The following CEP192 variants were observed in gnomAD, a reference collection of about 807,000 sequenced individuals.
CEP192 encodes the protein centrosomal protein 192, also known as centrosomal protein of 192 kDa.
A neutral mutation model predicts 271.8 loss-of-function variants in CEP192; 151 were observed. The observed-to-expected ratio is 0.56, with a 90% CI of 0.49 to 0.64. The LOEUF (loss-of-function observed/expected upper bound fraction) is 0.64. CEP192 is among the 30% of genes least tolerant of loss of function. CEP192 has a pLI of 0.00. For missense variants in CEP192, 2,910 were observed against 3,020.5 expected, an observed-to-expected ratio of 0.96 and a Z score of 0.86; for synonymous variants, 995 against 1,076.5, an observed-to-expected ratio of 0.92 and a Z score of 1.48.
rs79341139 is a variant in CEP192 at position 13,087,520 on chromosome 18, C to T, written c.5878-11C>T. 1.7e-4 allele frequency: 212 copies of T among 1,254,220 alleles called. No homozygotes were observed. The highest frequency in any genetic ancestry group is 4.9e-4 in the South Asian group (35 of 72,118). 77.7% of individuals were successfully genotyped at this position (1,254,220 alleles called of 1,614,324 possible). ...TAATATTTACTCCTGATTTTTTTTT[C>T]TTGGCATCAGAATGTTACTTTAATA... On this transcript the variant is annotated splice_polypyrimidine_tract_variant and intron_variant, in intron 31 of 44. Coordinates refer to ENST00000506447, the MANE Select transcript of CEP192 (RefSeq NM_032142.4).
chr18:13,123,094 A>T (rs2040748418), intron 44 of CEP192, among the ~76,000 whole-genome samples: 1 of 152,182 alleles, frequency 6.6e-6, no homozygotes, highest in African/African-American at 2.4e-5. Flanking sequence ...TTTATTAATA[A>T]TGAGTTCTTC....
In CEP192 at chr18:13,095,479, T is replaced by C. The variant is rs1262507475; in HGVS notation, c.6255-24T>C. On this transcript the variant is annotated intron_variant, in intron 34 of 44. Transcript: ENST00000506447. ...CAGTCTCTTTCTTCATGTCTAACTT[T>C]TTCATTTTTAAATAATTTTTTAGCG... The C allele has an allele frequency of 3.2e-6, 5 of 1,576,246 alleles. No homozygotes were observed. The African/African-American group carries it at 6.9e-5, about 22-fold the overall frequency.
chr18:13,013,076 A>C (rs2034453177), intron 5 of CEP192, 51 bp downstream of exon 5: 1 of 898,304 alleles, frequency 1.1e-6, no homozygotes, highest in Admixed American at 2.7e-5. Context: ...TAGGGCAGTA[A>C]AATTTCATAT....
intron 3 of CEP192, among the ~76,000 whole-genome samples, chr18:13,006,175 A>G (rs2033968745): frequency 6.6e-6 from 1 of 150,720 alleles, no homozygotes; most frequent in Non-Finnish European, 1.5e-5. Context: ...TTTCTGTTTT[A>G]GTGCAAAAAG....
Position 13,029,935 on chromosome 18 carries a change from C to T in CEP192, c.1323C>T (p.Ala441=). ...ISDSGINFTD[A]IWSPTCERRT... ...ACAGTGGAATTAATTTCACTGATGC[C>T]ATTTGGTCACCAACTTGTGAAAGGC... Residue 441 remains alanine, a synonymous_variant, in exon 10 of 45, where the codon GCC becomes GCT. Coordinates refer to ENST00000506447, the MANE Select transcript of CEP192 (RefSeq NM_032142.4). The T allele has an allele frequency of 6.4e-7, 1 of 1,551,628 alleles. No homozygotes were observed. Among genetic ancestry groups the T allele is most frequent in the South Asian group, 1.2e-5 (1 of 84,054 alleles).
At chr18:13,061,544 G>A (rs1362875605) in intron 21 of CEP192, among the ~76,000 whole-genome samples, 1 of 152,182 alleles carries the variant, frequency 6.6e-6, no homozygotes, top group East Asian at 1.9e-4. Flanking sequence ...GATTGGAAAT[G>A]TTCTTTATAA....
Position 13,049,658 on chromosome 18 carries a change from G to T in CEP192, c.2867G>T (p.Arg956Leu). 1 of 1,610,662 alleles carries T rather than the reference G, an allele frequency of 6.2e-7. No homozygotes were observed. ...SEKHVTFENH[R>L]IVSPKNSDLK... is the part of the protein sequence containing the mutation. ...AAGCATGTGACTTTTGAAAACCATC[G>T]CATAGTCTCACCTAAAAATAGTGGT... Residue 956 changes from arginine to leucine, a missense_variant, in exon 16 of 45, where the codon CGC (arginine) becomes CTC (leucine). Physicochemically the swap from Arg to Leu is moderately radical, Grantham distance 102. Transcript: ENST00000506447.
chr18:13,031,006 A>G (rs950918140), intron 11 of CEP192, among the ~76,000 whole-genome samples: 9 of 152,180 alleles, frequency 5.9e-5, no homozygotes, highest in African/African-American at 1.9e-4. Context: ...ATGGAAGAAA[A>G]GTAACCAAAA....
At chr18:13,030,406 G>A (rs752512996) in intron 10 of CEP192, 59 bp from the exon 11 acceptor site, 1 of 1,401,360 alleles carries the variant, frequency 7.1e-7, no homozygotes, top group South Asian at 1.5e-5. Context: ...AATTGAGAAT[G>A]TTTTGTCATT....
intron 7 of CEP192, 66 bp downstream of exon 7, chr18:13,017,402 A>G (rs1057045368): frequency 2.4e-6 from 3 of 1,232,812 alleles, no homozygotes; most frequent in Non-Finnish European, 1.1e-6. Context: ...GTCTCCTTGG[A>G]TGTTCACATG....
intron 3 of CEP192, among the ~76,000 whole-genome samples, chr18:13,003,520 CA>C (rs1192315998): frequency 1.3e-5 from 2 of 150,546 alleles, no homozygotes; most frequent in Non-Finnish European, 2.9e-5. Flanking sequence ...ATGTGGACGC[CA>C]GGGGGAAGCA....
chr18:13,118,526 C>T (rs552605886), intron 44 of CEP192, among the ~76,000 whole-genome samples: 3 of 152,318 alleles, frequency 2.0e-5, no homozygotes, highest in African/African-American at 7.2e-5. Context: ...TCTTCCTTCT[C>T]CTATGGACTA....
chr18:12,995,654 A>G (rs910562074), intron 1 of CEP192, among the ~76,000 whole-genome samples: 1 of 152,210 alleles, frequency 6.6e-6, no homozygotes, highest in Non-Finnish European at 1.5e-5. Flanking sequence ...AGAGATAACA[A>G]GTGAGTTACA....
chr18:13,068,628 T>C (rs1164391972), intron 24 of CEP192, among the ~76,000 whole-genome samples: 1 of 152,126 alleles, frequency 6.6e-6, no homozygotes, highest in Non-Finnish European at 1.5e-5. Flanking sequence ...ACTGAAAACC[T>C]TTTAGAATAT....
Position 13,069,167 on chromosome 18 carries a change from T to A in CEP192, c.5041T>A (p.Tyr1681Asn). Reference sequence around the variant, plus strand: ...GAAAAATGCTGGGAACATTGAAGTTTATTTGGATATCAAGGTATGCACTTC... The same window carrying A: ...GAAAAATGCTGGGAACATTGAAGTTAATTTGGATATCAAGGTATGCACTTC... ...PLKNAGNIEV[Y>N]LDIKVPEQGS... The change falls in exon 26 of 45, where the codon TAT (tyrosine) becomes AAT (asparagine). Residue 1681 changes from tyrosine to asparagine, a missense_variant. By Grantham distance (143) the Tyr-to-Asn change is moderately radical. Transcript: ENST00000506447. 1 of 1,613,926 alleles carries A rather than the reference T, an allele frequency of 6.2e-7. No homozygotes were observed. The highest frequency in any genetic ancestry group is 8.5e-7 in the Non-Finnish European group (1 of 1,179,808).
intron 30 of CEP192, among the ~76,000 whole-genome samples, chr18:13,079,708 G>A (rs555863436): frequency 1.3e-5 from 2 of 152,122 alleles, no homozygotes; most frequent in Non-Finnish European, 2.9e-5. Flanking sequence ...TGAAGTCCTT[G>A]CCCATACCTA....
At chr18:13,117,199 A>G (rs963331102) in intron 43 of CEP192, among the ~76,000 whole-genome samples, 1 of 152,176 alleles carries the variant, frequency 6.6e-6, no homozygotes, top group African/African-American at 2.4e-5. Context: ...CACTTCAGCC[A>G]GGGTGACAGA....
In CEP192 at chr18:13,124,997, T is replaced by C; in HGVS notation, c.*227T>C. On this transcript the variant is annotated 3_prime_UTR_variant, in exon 45 of 45. Transcript: ENST00000506447. ...GTGAGAAGAGAGTTCTGTGTTTGCA[T>C]TGATTATGATATTCTGAATAAATAT... is the stretch of plus-strand genomic sequence containing the variant. The C allele has an allele frequency of 2.8e-6, 1 of 363,612 alleles. No individual in the cohort carries two copies. The allele number at this position is 363,612 out of a possible 1,614,324, so 22.5% of individuals were successfully genotyped here.
In CEP192 at chr18:12,999,584, A is replaced by T; in HGVS notation, c.160A>T (p.Asn54Tyr). Reference protein sequence around the residue: ...TLARDRSSTDNRYPDIQASYL... With the variant: ...TLARDRSSTDYRYPDIQASYL... ...TGCTAGGGATAGATCCAGCACTGAT[A>T]ACAGGTAAGATTTGTTTGAGCAGAT... Residue 54 changes from asparagine to tyrosine, a missense_variant, in exon 2 of 45, where the codon AAC becomes TAC. Coordinates refer to ENST00000506447, the MANE Select transcript of CEP192 (RefSeq NM_032142.4). 6.5e-7 allele frequency: 1 copy of T among 1,529,718 alleles called. No individual in the cohort carries two copies. The highest frequency in any genetic ancestry group is 8.8e-7 in the Non-Finnish European group (1 of 1,139,964). 94.8% of individuals were successfully genotyped at this position (1,529,718 alleles called of 1,614,324 possible).
Sources: gnomAD v4.1 joint callset for allele counts (sites outside exome capture counted in the v4.1 genomes callset) on GRCh38, gnomAD v4.1.1 for gene constraint, MANE v1.5 for transcripts, NCBI Gene and HGNC (gene_info 2026-07-23, HGNC 2026-07-21) for gene names.